Variants in LTBP4 observed in about 807,000 individuals in gnomAD.
LTBP4 encodes the protein latent-transforming growth factor beta-binding protein 4.
A neutral mutation model predicts 180.2 loss-of-function variants in LTBP4; 93 were observed. That is an observed-to-expected ratio of 0.52 (90% CI 0.44 to 0.61). The LOEUF (loss-of-function observed/expected upper bound fraction) is 0.61, where lower values mean the gene tolerates loss of function less well. LTBP4 is among the 20% of genes least tolerant of loss of function. LTBP4 has a pLI of 0.00. For missense variants in LTBP4, 2,116 were observed against 2,256.5 expected (o/e 0.94, Z 1.26); for synonymous variants, 947 against 934.5 (o/e 1.01, Z -0.24).
chr19:40,618,889 T>C (rs1282888011), intron 21 of LTBP4, among the ~76,000 whole-genome samples: 1 of 152,190 alleles, frequency 6.6e-6, no homozygotes, highest in Non-Finnish European at 1.5e-5. Context: ...GAGTTCTGCT[T>C]TCTTCTATTG....
chr19:40,603,969 A>G (rs1282091050), intron 1 of LTBP4, among the ~76,000 whole-genome samples: 1 of 152,246 alleles, frequency 6.6e-6, no homozygotes, highest in African/African-American at 2.4e-5. Context: ...GAGGGCGCGC[A>G]GAGGGGAGTG....
At chr19:40,600,077 G>T, upstream of LTBP4, 1 of 1,263,896 alleles carries the variant, frequency 7.9e-7, no homozygotes, top group Non-Finnish European at 1.0e-6. The surrounding 1 kb of genome is among the most constrained non-coding windows in gnomAD (Gnocchi z 4.4). Flanking sequence ...GGCTCCAGGA[G>T]GCCAGAGCTC....
chr19:40,597,043 C>T (rs571467353), upstream of LTBP4, among the ~76,000 whole-genome samples: 1 of 152,246 alleles, frequency 6.6e-6, no homozygotes, highest in African/African-American at 2.4e-5. Context: ...CCTGCTGCCT[C>T]CTGATTGGCC....
At chr19:40,593,225 C>T (rs1326424469) in intron 1 of LTBP4, 1 of 1,611,460 alleles carries the variant, frequency 6.2e-7, no homozygotes, top group Non-Finnish European at 8.5e-7. Context: ...AGCTGTGCAC[C>T]TCAAACCCTA....
Position 40,613,370 on chromosome 19 carries a change from C to A in LTBP4, c.2432-34C>A. ...GCGGAGCTTGTCTGGGAGGCCGGGT[C>A]CCGTGACTCCGCCCAATCTCCCGCG... On this transcript the variant is annotated intron_variant, in intron 16 of 29. Transcript: ENST00000396819. The surrounding 1 kb of genome is among the most constrained non-coding windows in gnomAD (Gnocchi z 5.0). 6.3e-7 allele frequency: 1 copy of A among 1,595,956 alleles called. No homozygotes were observed. The highest frequency in any genetic ancestry group is 8.5e-7 in the Non-Finnish European group (1 of 1,172,782).
At chr19:40,620,518 ATAATC>A (rs1183541257) in intron 22 of LTBP4, among the ~76,000 whole-genome samples, 2 of 151,678 alleles carry the variant, frequency 1.3e-5, no homozygotes, top group African/African-American at 4.8e-5. Flanking sequence ...GCTGAAGGCC[ATAATC>A]CCAGCTCTCT....
chr19:40,610,055 C>A, intron 11 of LTBP4, 184 bp downstream of exon 11: 1 of 766,272 alleles, frequency 1.3e-6, no homozygotes, highest in Non-Finnish European at 2.0e-6. Flanking sequence ...CCCTTTGACC[C>A]CACCCCTACC....
At position 40,622,495 on chromosome 19, in the gene LTBP4, T is replaced by C; in HGVS notation, c.3312T>C (p.Pro1104=). 3 of 1,612,996 alleles carry C rather than the reference T, an allele frequency of 1.9e-6. No homozygotes were observed. The highest frequency in any genetic ancestry group is 2.2e-5 in the East Asian group (1 of 44,866). The change falls in exon 23 of 30, where the codon CCT becomes CCC. Residue 1104 remains proline, a synonymous_variant. Coordinates refer to ENST00000396819, the MANE Select transcript of LTBP4 (RefSeq NM_001042545.2). The surrounding 1 kb of genome is among the most constrained non-coding windows in gnomAD (Gnocchi z 5.1). ...CCCTGCCCCGCCGACCCAGCACACC[T>C]AGGCAGGGCCCTGTGGGGAGTGGGC... ...PPPLPRRPST[P]RQGPVGSGRR... is the part of the protein sequence containing the mutation.
upstream of LTBP4, among the ~76,000 whole-genome samples, chr19:40,598,331 C>A (rs972473412): frequency 6.6e-6 from 1 of 152,078 alleles, no homozygotes; most frequent in Non-Finnish European, 1.5e-5. Flanking sequence ...TCGGCCCCAC[C>A]CACCTGAGAG....
rs758054096 is a variant in LTBP4, at chr19:40,609,813, C to T, written c.1626C>T (p.Ser542=). The change falls in exon 11 of 30, where the codon AGC becomes AGT. Residue 542 remains serine, a synonymous_variant. Coordinates refer to ENST00000396819, the MANE Select transcript of LTBP4 (RefSeq NM_001042545.2). This position sits in a 1 kb window ranked among gnomAD's most constrained non-coding sequence, Gnocchi z 4.9. ...APGRCENSPG[S]FRCVCGPGFR... ...GGCGCTGCGAGAACTCACCAGGCAGCTTCCGCTGCGTGTGCGGCCCGGGCT... is the reference window on the plus strand; with the variant it reads ...GGCGCTGCGAGAACTCACCAGGCAGTTTCCGCTGCGTGTGCGGCCCGGGCT... The T allele has an allele frequency of 6.2e-7, 1 of 1,607,282 alleles. No homozygotes were observed. Among genetic ancestry groups the T allele is most frequent in the South Asian group, 1.1e-5 (1 of 90,832 alleles).
At chr19:40,618,669 T>C (rs971966856) in intron 21 of LTBP4, among the ~76,000 whole-genome samples, 3 of 152,206 alleles carry the variant, frequency 2.0e-5, no homozygotes, top group Non-Finnish European at 4.4e-5. Context: ...GCATGAGCCA[T>C]TGTACCCTAC....
At position 40,627,010 on chromosome 19, in the gene LTBP4, C is replaced by A. The variant is rs768705393; in HGVS notation, c.4021C>A (p.Pro1341Thr). 2 of 1,594,060 alleles carry A rather than the reference C, an allele frequency of 1.3e-6. No individual in the cohort carries two copies. The highest frequency in any genetic ancestry group is 2.2e-5 in the South Asian group (2 of 88,960). Reference sequence around the variant, plus strand: ...GGCCCTGTGCAATGTGCTACGCCCCCCCGCATATAGCCCCCCGCGACCAGG... The same window carrying A: ...GGCCCTGTGCAATGTGCTACGCCCCACCGCATATAGCCCCCCGCGACCAGG... ...FEALCNVLRP[P>T]AYSPPRPGGF... is the part of the protein sequence containing the mutation. The change falls in exon 28 of 30, where the codon CCC becomes ACC. Residue 1341 changes from proline (P) to threonine (T), a missense_variant. By Grantham distance (38) the Pro-to-Thr change is conservative. Coordinates refer to ENST00000396819, the MANE Select transcript of LTBP4 (RefSeq NM_001042545.2).
upstream of LTBP4, chr19:40,600,150 C>T (rs2081413774): frequency 1.6e-6 from 2 of 1,256,050 alleles, no homozygotes; most frequent in South Asian, 3.8e-5. This position sits in a 1 kb window ranked among gnomAD's most constrained non-coding sequence, Gnocchi z 4.4. Context: ...GAGGCCCCCA[C>T]AGCGTGCCCC....
rs757117002 is a variant in LTBP4 at position 40,613,895 on chromosome 19, T to C, written c.2558-21T>C. 2.5e-6 allele frequency: 4 copies of C among 1,613,076 alleles called. No individual in the cohort carries two copies. The highest frequency in any genetic ancestry group is 1.3e-5 in the African/African-American group (1 of 74,870). On this transcript the variant is annotated intron_variant, in intron 17 of 29. Coordinates refer to ENST00000396819, the MANE Select transcript of LTBP4 (RefSeq NM_001042545.2). The surrounding 1 kb of genome is among the most constrained non-coding windows in gnomAD (Gnocchi z 5.0). ...GGCGGAGCGGGAGGTGGGCCGGGCC[T>C]TCGGACGCCCTGTCCCGCAGACGTT... is the stretch of plus-strand genomic sequence containing the variant.
At chr19:40,599,313 C>G, upstream of LTBP4, 2 of 1,607,000 alleles carry the variant, frequency 1.2e-6, no homozygotes, top group South Asian at 2.2e-5. Flanking sequence ...AGGAGAGGGG[C>G]AGGGAGCTCC....
At chr19:40,607,610 C>T in intron 7 of LTBP4, 81 bp downstream of exon 7, 1 of 1,441,668 alleles carries the variant, frequency 6.9e-7, no homozygotes, top group Non-Finnish European at 9.2e-7. Context: ...ACCCTGAGTT[C>T]ACTGCCCCAA....
At chr19:40,607,658 C>A in intron 7 of LTBP4, 129 bp downstream of exon 7, 1 of 1,015,554 alleles carries the variant, frequency 9.8e-7, no homozygotes, top group Non-Finnish European at 1.4e-6. Context: ...CACGCAGCAG[C>A]CTCTGAGACC....
At chr19:40,599,057 G>A, upstream of LTBP4, 1 of 781,384 alleles carries the variant, frequency 1.3e-6, no homozygotes, top group South Asian at 1.5e-5. Context: ...AAACTGAGGC[G>A]TGGGGAGAAG....
chr19:40,610,627 CA>C lies in LTBP4; in HGVS notation c.1781del (p.Gln594ArgfsTer150). Reference protein sequence around the residue: ...SFLCVCPAGYQAAPHGASCQD... With the variant: ...SFLCVCPAGYXAAPHGASCQD... ...CCTGTGCGTGTGCCCCGCCGGGTAC[CA>C]GGCTGCACCGCACGGAGCCAGCTGC... is the stretch of plus-strand genomic sequence containing the variant. On this transcript the variant is annotated frameshift_variant, in exon 12 of 30. Coordinates refer to ENST00000396819, the MANE Select transcript of LTBP4 (RefSeq NM_001042545.2). LOFTEE classifies it high-confidence loss of function. 6.3e-7 allele frequency: 1 copy of C among 1,585,108 alleles called. No individual in the cohort carries two copies. Among genetic ancestry groups the C allele is most frequent in the Non-Finnish European group, 8.5e-7 (1 of 1,171,084 alleles).
Sources: gnomAD v4.1 joint callset for allele counts (sites outside exome capture counted in the v4.1 genomes callset) on GRCh38, gnomAD v4.1.1 for gene constraint, Gnocchi (gnomAD v3.1) non-coding constraint, MANE v1.5 for transcripts, NCBI Gene and HGNC (gene_info 2026-07-23, HGNC 2026-07-21) for gene names.